TNNI3K: variants seen among roughly 807,000 people sequenced by gnomAD.
TNNI3K encodes serine/threonine-protein kinase TNNI3K.
A neutral mutation model predicts 114.5 loss-of-function variants in TNNI3K; 140 were observed. The observed-to-expected ratio is 1.22, with a 90% CI of 1.07 to 1.41. The LOEUF (loss-of-function observed/expected upper bound fraction) is 1.41. Among genes scored for constraint, TNNI3K ranks in the 40% most tolerant of loss-of-function variants. The pLI is 0.00. For synonymous variants in TNNI3K, 347 were observed against 347.5 expected (o/e 1.00, Z 0.02); for missense variants, 1,125 against 1,007.6 (o/e 1.12, Z -1.58).
chr1:74,388,362 G>C (rs756663880), intron 17 of TNNI3K, among the ~76,000 whole-genome samples: 1 of 152,106 alleles, frequency 6.6e-6, no homozygotes, highest in Non-Finnish European at 1.5e-5. Flanking sequence ...AATATGCTTT[G>C]TTTACATTAA....
intron 2 of TNNI3K, among the ~76,000 whole-genome samples, chr1:74,242,461 T>C (rs1654297641): frequency 6.6e-6 from 1 of 152,200 alleles, no homozygotes; most frequent in South Asian, 2.1e-4. Context: ...TATTGCACTA[T>C]AGCCAACTAT....
intron 20 of TNNI3K, 79 bp from the exon 21 acceptor site, chr1:74,463,360 CTT>C: frequency 2.0e-6 from 3 of 1,484,484 alleles, no homozygotes; most frequent in Non-Finnish European, 9.4e-7. Context: ...TTTTTAATGC[CTT>C]TTTGTGTGTG....
At chr1:74,485,862 C>T (rs1668731789) in intron 21 of TNNI3K, among the ~76,000 whole-genome samples, 1 of 152,062 alleles carries the variant, frequency 6.6e-6, no homozygotes, top group Non-Finnish European at 1.5e-5. Flanking sequence ...TGTCATACAA[C>T]CACAAAGAAA....
At chr1:74,467,035 A>G (rs879410446) in intron 21 of TNNI3K, among the ~76,000 whole-genome samples, 33 of 152,354 alleles carry the variant, frequency 2.2e-4, no homozygotes, top group Non-Finnish European at 2.2e-4. Context: ...GGGGACAAAG[A>G]CAGAATGCAG....
At chr1:74,327,540 A>G (rs1020643854) in intron 5 of TNNI3K, among the ~76,000 whole-genome samples, 1 of 146,752 alleles carries the variant, frequency 6.8e-6, no homozygotes, top group African/African-American at 2.5e-5. Flanking sequence ...TATATTGAGT[A>G]TATATAATAT....
chr1:74,527,664 T>C (rs1216192176), intron 23 of TNNI3K, among the ~76,000 whole-genome samples: 3 of 152,168 alleles, frequency 2.0e-5, no homozygotes, highest in African/African-American at 7.2e-5. Flanking sequence ...AGGGTGTTGA[T>C]CTACATGTGT....
intron 23 of TNNI3K, among the ~76,000 whole-genome samples, chr1:74,511,195 AT>A (rs113121147): frequency 3.0e-4 from 43 of 144,288 alleles, no homozygotes; most frequent in Admixed American, 4.9e-4. Context: ...TGCCCGGCCT[AT>A]TTTTTTTTTT....
intron 2 of TNNI3K, among the ~76,000 whole-genome samples, chr1:74,238,018 A>G (rs1192644417): frequency 6.6e-6 from 1 of 152,016 alleles, no homozygotes; most frequent in African/African-American, 2.4e-5. Context: ...CGCTCTTCCT[A>G]CCATACCCTG....
chr1:74,394,813 G>A lies in TNNI3K; in HGVS notation c.1772+24421G>A, dbSNP rs530312086. On this transcript the variant is annotated intron_variant, in intron 17 of 24. Coordinates refer to ENST00000326637, the MANE Select transcript of TNNI3K (RefSeq NM_015978.3). ...TAATCCCAGCACTTTGGGAGGCTGA[G>A]GCGGGTGGATCATGAGGTCAGGAGA... Among the ~76,000 whole-genome samples the A allele has an allele frequency of 1.1e-3, 171 of 152,290 alleles. No individual in the cohort carries two copies. In the Middle Eastern group the frequency reaches 0.014, roughly 12 times the overall value.
intron 20 of TNNI3K, among the ~76,000 whole-genome samples, chr1:74,445,571 T>C (rs1423323966): frequency 6.6e-6 from 1 of 151,098 alleles, no homozygotes; most frequent in Non-Finnish European, 1.5e-5. Flanking sequence ...TATGGCTGCA[T>C]AGTATTCCAT....
chr1:74,509,094 T>C (rs1268210518), intron 23 of TNNI3K, among the ~76,000 whole-genome samples: 2 of 152,200 alleles, frequency 1.3e-5, no homozygotes, highest in Non-Finnish European at 2.9e-5. Context: ...TCTTCTTCTT[T>C]TTATCACTTA....
At chr1:74,488,477 G>A (rs1018885148) in intron 21 of TNNI3K, among the ~76,000 whole-genome samples, 43 of 152,288 alleles carry the variant, frequency 2.8e-4, no homozygotes, top group African/African-American at 1.0e-3. Flanking sequence ...ATGATAGGGT[G>A]TATAGTTTTA....
chr1:74,283,412 A>T (rs1297920677), intron 5 of TNNI3K, among the ~76,000 whole-genome samples: 1 of 152,204 alleles, frequency 6.6e-6, no homozygotes, highest in Admixed American at 6.5e-5. Context: ...ATCAATTGTA[A>T]GGAGTAATAT....
At chr1:74,246,903 G>A (rs915215118) in intron 2 of TNNI3K, among the ~76,000 whole-genome samples, 2 of 152,100 alleles carry the variant, frequency 1.3e-5, no homozygotes, top group African/African-American at 4.8e-5. Flanking sequence ...GTTATACCAG[G>A]ATTCAAATCC....
At chr1:74,462,579 A>C (rs999423996) in intron 20 of TNNI3K, among the ~76,000 whole-genome samples, 2 of 152,232 alleles carry the variant, frequency 1.3e-5, no homozygotes, top group Non-Finnish European at 2.9e-5. Flanking sequence ...ACACATAACA[A>C]CAACAACAAC....
intron 4 of TNNI3K, among the ~76,000 whole-genome samples, chr1:74,253,211 A>G (rs537933162): frequency 2.2e-4 from 33 of 152,230 alleles, no homozygotes; most frequent in African/African-American, 7.7e-4. Flanking sequence ...CATATTTACA[A>G]TCCCTCAGCT....
At position 74,432,289 on chromosome 1, in the gene TNNI3K, G is replaced by A. The variant is rs141179434; in HGVS notation, c.1773-3791G>A. Among the ~76,000 whole-genome samples, 378 of 152,208 alleles carry A rather than the reference G, an allele frequency of 2.5e-3. 2 individuals carry two copies. The highest frequency in any genetic ancestry group is 0.014 in the Middle Eastern group (4 of 294). On this transcript the variant is annotated intron_variant, in intron 17 of 24. Transcript: ENST00000326637. ...ATCTGACTCATGGGGCTGTTTCCAC[G>A]AATGTTACAATGCTCATGAATATGC...
chr1:74,281,098 GGGAAGGACCCAGGCCT>G (rs1656983903), intron 5 of TNNI3K, among the ~76,000 whole-genome samples: 1 of 152,136 alleles, frequency 6.6e-6, no homozygotes, highest in African/African-American at 2.4e-5. Flanking sequence ...GTGCGCTGAA[GGGAAGGACCCAGGCCT>G]GGAAGGATTC....
intron 2 of TNNI3K, among the ~76,000 whole-genome samples, chr1:74,239,336 A>T (rs2100825627): frequency 6.6e-6 from 1 of 152,254 alleles, no homozygotes; most frequent in African/African-American, 2.4e-5. Context: ...AAATTGTCTT[A>T]CTCACTCATT....
Sources: gnomAD v4.1 joint callset for allele counts (sites outside exome capture counted in the v4.1 genomes callset) on GRCh38, gnomAD v4.1.1 for gene constraint, MANE v1.5 for transcripts, NCBI Gene and HGNC (gene_info 2026-07-23, HGNC 2026-07-21) for gene names.